Variants in CAGE1 observed in about 807,000 individuals in gnomAD.
CAGE1 encodes the protein cancer antigen 1.
A neutral mutation model predicts 94.9 loss-of-function variants in CAGE1; 66 were observed. The observed-to-expected ratio is 0.70, with a 90% CI of 0.57 to 0.85. The LOEUF (loss-of-function observed/expected upper bound fraction) is 0.85. Among genes scored for constraint, CAGE1 ranks in the 40% least tolerant of loss-of-function variants. CAGE1 has a pLI of 0.00. For missense variants in CAGE1, 865 were observed against 950.4 expected, an observed-to-expected ratio of 0.91 and a Z score of 1.18; for synonymous variants, 319 against 321.0, an observed-to-expected ratio of 0.99 and a Z score of 0.07.
At chr6:7,340,506 G>A (rs1265723368) in intron 11 of CAGE1, among the ~76,000 whole-genome samples, 2 of 152,128 alleles carry the variant, frequency 1.3e-5, no homozygotes, top group East Asian at 3.8e-4. Context: ...GGGGCCCAGG[G>A]AGCTTCCTTT....
chr6:7,341,998 A>G, intron 11 of CAGE1: 1 of 781,742 alleles, frequency 1.3e-6, no homozygotes, highest in Non-Finnish European at 2.3e-6. Flanking sequence ...GCCAAGGTTA[A>G]CGAAGCTCAA....
chr6:7,341,948 T>C (rs1273412327), intron 11 of CAGE1: 1 of 725,412 alleles, frequency 1.4e-6, no homozygotes, highest in Non-Finnish European at 2.6e-6. Flanking sequence ...TCTTGCAATC[T>C]TTCAGTCATC....
At chr6:7,364,079 A>G (rs1053903578) in intron 9 of CAGE1, among the ~76,000 whole-genome samples, 2 of 152,186 alleles carry the variant, frequency 1.3e-5, no homozygotes, top group African/African-American at 4.8e-5. Context: ...TGCTGGGAAC[A>G]CTACTGTTTA....
intron 7 of CAGE1, among the ~76,000 whole-genome samples, chr6:7,367,402 A>G (rs905983739): frequency 6.6e-6 from 1 of 151,440 alleles, no homozygotes; most frequent in Non-Finnish European, 1.5e-5. Context: ...CAGCCTCCGG[A>G]ATAGCTAGGA....
At chr6:7,369,873 A>G in intron 6 of CAGE1, 46 bp downstream of exon 6, 1 of 1,537,406 alleles carries the variant, frequency 6.5e-7, no homozygotes. Context: ...CAACCCCAGT[A>G]TTTATTCCTC....
chr6:7,354,920 C>T (rs1759898320), intron 11 of CAGE1, 121 bp downstream of exon 11: 2 of 663,064 alleles, frequency 3.0e-6, no homozygotes, highest in East Asian at 2.8e-5. Context: ...AAAGAATGAA[C>T]TTAATTAATA....
At chr6:7,364,049 G>A (rs1253485388) in intron 9 of CAGE1, among the ~76,000 whole-genome samples, 2 of 152,164 alleles carry the variant, frequency 1.3e-5, no homozygotes, top group Admixed American at 1.3e-4. Context: ...TTGTGACCTT[G>A]TTCCCATTCC....
chr6:7,371,770 G>A (rs561948119), intron 5 of CAGE1, among the ~76,000 whole-genome samples: 1 of 152,192 alleles, frequency 6.6e-6, no homozygotes. Flanking sequence ...CTGGGCGACA[G>A]AGCGAGACTC....
chr6:7,382,986 A>G (rs1330520001), intron 3 of CAGE1, among the ~76,000 whole-genome samples: 1 of 152,154 alleles, frequency 6.6e-6, no homozygotes, highest in Non-Finnish European at 1.5e-5. Flanking sequence ...TTCCCACCCA[A>G]ATCTCATCTC....
Position 7,339,013 on chromosome 6 carries a change from C to T in CAGE1, c.2370-4923G>A. On this transcript the variant is annotated intron_variant, in intron 11 of 13. Coordinates refer to ENST00000502583, the MANE Select transcript of CAGE1 (RefSeq NM_001170692.2). This position sits in a 1 kb window ranked among gnomAD's most constrained non-coding sequence, Gnocchi z 4.7. ...GGGTCCCAGGGCAGCATGATCTTCACCTTGATGCCCAGCACACTCTGTCTG... is the reference window on the plus strand; with the variant it reads ...GGGTCCCAGGGCAGCATGATCTTCATCTTGATGCCCAGCACACTCTGTCTG... 20 of 1,606,816 alleles carry T rather than the reference C, an allele frequency of 1.2e-5. No homozygotes were observed. The highest frequency in any genetic ancestry group is 1.4e-5 in the Non-Finnish European group (17 of 1,176,532).
At chr6:7,341,860 A>G in intron 11 of CAGE1, 1 of 681,746 alleles carries the variant, frequency 1.5e-6, no homozygotes, top group Non-Finnish European at 2.8e-6. Context: ...GAACTGGGCC[A>G]CTTCTTCTTG....
At chr6:7,379,138 TC>T (rs1760854245) in intron 3 of CAGE1, 118 bp from the exon 4 acceptor site, 1 of 645,328 alleles carries the variant, frequency 1.5e-6, no homozygotes, top group African/African-American at 1.9e-5. Context: ...ATATATTATT[TC>T]AACCTTATTT....
At chr6:7,377,651 C>T (rs1179749084) in intron 4 of CAGE1, among the ~76,000 whole-genome samples, 6 of 152,084 alleles carry the variant, frequency 3.9e-5, no homozygotes, top group African/African-American at 7.2e-5. Context: ...GCAGGACAAT[C>T]GCTTGAATCC....
rs540498602 is a variant in CAGE1 at position 7,369,099 on chromosome 6, C to G, written c.1894-301G>C. ...TCTCTGCTCACTGCAACCTCTCCCC[C>G]CAGGTTCAAGCTATTCTCCTGCCTC... is the stretch of plus-strand genomic sequence containing the variant. On this transcript the variant is annotated intron_variant, in intron 6 of 13. Transcript: ENST00000502583. Among the ~76,000 whole-genome samples the G allele has an allele frequency of 7.6e-4, 115 of 151,948 alleles. 1 individual carries two copies. The highest frequency in any genetic ancestry group is 2.7e-3 in the African/African-American group (111 of 41,436).
At chr6:7,342,493 TCTGA>T (rs1373715314) in intron 11 of CAGE1, among the ~76,000 whole-genome samples, 7 of 152,262 alleles carry the variant, frequency 4.6e-5, no homozygotes, top group South Asian at 2.1e-4. Flanking sequence ...AGGAAGGGTG[TCTGA>T]CTGATGACTC....
intron 9 of CAGE1, among the ~76,000 whole-genome samples, chr6:7,358,070 A>T (rs1375076376): frequency 5.3e-4 from 64 of 120,902 alleles, no homozygotes; most frequent in Admixed American, 1.1e-3. Context: ...ATATATATAT[A>T]TGCCTCCAAA....
In CAGE1 at chr6:7,355,191, C is replaced by T. The variant is rs149342715; in HGVS notation, c.2299-80G>A. On this transcript the variant is annotated intron_variant, in intron 10 of 13. Transcript: ENST00000502583. ...TCTTTTTTATGACTACAAGTTGAAG[C>T]TTAATTATCTGACTATTAATGAAAG... 709 of 854,826 alleles carry T rather than the reference C, an allele frequency of 8.3e-4. 4 individuals carry two copies. In the African/African-American group the frequency reaches 9.7e-3, roughly 12 times the overall value. The allele number at this position is 854,826 out of a possible 1,614,324, so 53.0% of individuals were successfully genotyped here.
chr6:7,341,080 T>C, intron 11 of CAGE1: 1 of 528,408 alleles, frequency 1.9e-6, no homozygotes. Flanking sequence ...GCTGCAGCTG[T>C]GAAAGGGGAT....
At chr6:7,366,008 T>G (rs1581686685) in intron 7 of CAGE1, 124 bp from the exon 8 acceptor site, 7 of 581,648 alleles carry the variant, frequency 1.2e-5, no homozygotes, top group South Asian at 2.3e-5. Flanking sequence ...CACTTTGGGA[T>G]GCTGAGGCGG....
Sources: gnomAD v4.1 joint callset for allele counts (sites outside exome capture counted in the v4.1 genomes callset) on GRCh38, gnomAD v4.1.1 for gene constraint, Gnocchi (gnomAD v3.1) non-coding constraint, MANE v1.5 for transcripts, NCBI Gene and HGNC (gene_info 2026-07-23, HGNC 2026-07-21) for gene names.